DPH6: variants seen among roughly 807,000 people sequenced by gnomAD.
The protein encoded by DPH6 is diphthine--ammonia ligase.
In DPH6, 33 loss-of-function variants were observed where a neutral mutation model predicts 38.2. The ratio of observed to expected loss-of-function variants is 0.86; its 90% CI spans 0.65 to 1.15. DPH6 has a LOEUF of 1.15. Ranked by LOEUF, DPH6 falls within the 50% of genes most tolerant of loss-of-function variation. The pLI, the probability that DPH6 is intolerant of heterozygous loss-of-function variation, is 0.00. For missense variants in DPH6, 325 were observed against 320.0 expected, an observed-to-expected ratio of 1.02 and a Z score of -0.12; for synonymous variants, 108 against 103.0, an observed-to-expected ratio of 1.05 and a Z score of -0.30.
downstream of DPH6, among the ~76,000 whole-genome samples, chr15:35,214,071 C>A (rs151235092): frequency 0.07 from 10,511 of 150,556 alleles, 796 homozygotes; most frequent in East Asian, 0.42. Flanking sequence ...GAGATTGCGC[C>A]ACTGCACTCC....
At chr15:35,254,178 C>T (rs751970521) in intron 3 of DPH6, among the ~76,000 whole-genome samples, 15 of 152,102 alleles carry the variant, frequency 9.9e-5, no homozygotes, top group African/African-American at 1.9e-4. Flanking sequence ...CACAAAGAAA[C>T]GAATGCTATT....
At chr15:35,223,576 C>G (rs1417704667) in intron 3 of DPH6, among the ~76,000 whole-genome samples, 1 of 152,072 alleles carries the variant, frequency 6.6e-6, no homozygotes. Context: ...GTCCCAGCTA[C>G]TCGGGAGGCT....
intron 2 of DPH6, among the ~76,000 whole-genome samples, chr15:35,540,486 T>C (rs961793869): frequency 6.6e-6 from 1 of 152,082 alleles, no homozygotes; most frequent in Admixed American, 6.6e-5. Context: ...ATTCAGTGAA[T>C]TGTTCAATAA....
At chr15:35,337,680 A>C (rs2052384619) in intron 3 of DPH6, among the ~76,000 whole-genome samples, 2 of 152,206 alleles carry the variant, frequency 1.3e-5, no homozygotes, top group African/African-American at 4.8e-5. Context: ...GGAAAAAACT[A>C]CTTTAAAGTT....
At chr15:35,431,550 G>A (rs2053632560) in intron 5 of DPH6, among the ~76,000 whole-genome samples, 1 of 151,964 alleles carries the variant, frequency 6.6e-6, no homozygotes, top group South Asian at 2.1e-4. Flanking sequence ...TAAACAGCAG[G>A]GTGCCAGAGG....
At chr15:35,375,954 T>C (rs1007146244) in intron 7 of DPH6, among the ~76,000 whole-genome samples, 1 of 152,174 alleles carries the variant, frequency 6.6e-6, no homozygotes, top group Non-Finnish European at 1.5e-5. Flanking sequence ...ACGGTTTCTG[T>C]ATTCACTAAA....
intron 6 of DPH6, among the ~76,000 whole-genome samples, chr15:35,404,423 T>G (rs1455366602): frequency 6.6e-6 from 1 of 152,138 alleles, no homozygotes; most frequent in Non-Finnish European, 1.5e-5. Context: ...CCATTTTAAC[T>G]GGTGTGAGAG....
intron 3 of DPH6, among the ~76,000 whole-genome samples, chr15:35,483,655 C>A (rs982076625): frequency 3.9e-5 from 6 of 152,112 alleles, no homozygotes; most frequent in African/African-American, 1.4e-4. Flanking sequence ...TTTGAAAGTA[C>A]AAATTTAACA....
downstream of DPH6, among the ~76,000 whole-genome samples, chr15:35,326,780 T>C (rs1453928987): frequency 6.6e-6 from 1 of 152,150 alleles, no homozygotes; most frequent in Non-Finnish European, 1.5e-5. Flanking sequence ...TTTTATGTAG[T>C]ATTCAATAAA....
At chr15:35,456,982 T>G (rs1167477514) in intron 3 of DPH6, among the ~76,000 whole-genome samples, 1 of 152,142 alleles carries the variant, frequency 6.6e-6, no homozygotes, top group Non-Finnish European at 1.5e-5. Context: ...ATTTACTTAT[T>G]TAGAGACAGA....
chr15:35,249,376 G>C (rs1258543712), intron 3 of DPH6, among the ~76,000 whole-genome samples: 1 of 152,140 alleles, frequency 6.6e-6, no homozygotes, highest in East Asian at 1.9e-4. Context: ...AACAAGTTTG[G>C]GATGCAGAGA....
chr15:35,149,336 C>T, the DPH6 span, among the ~76,000 whole-genome samples: 22 of 152,288 alleles, frequency 1.4e-4, no homozygotes, highest in Admixed American at 2.6e-4. Flanking sequence ...CTCCCAGGTT[C>T]AAGCGATTCT....
intron 6 of DPH6, among the ~76,000 whole-genome samples, chr15:35,387,533 A>G (rs1369059360): frequency 6.6e-6 from 1 of 152,136 alleles, no homozygotes; most frequent in African/African-American, 2.4e-5. Flanking sequence ...AGTAGTTTGT[A>G]GTTCTCCTTG....
At chr15:35,532,422 T>G (rs1329930121) in intron 3 of DPH6, among the ~76,000 whole-genome samples, 4 of 152,100 alleles carry the variant, frequency 2.6e-5, no homozygotes, top group Non-Finnish European at 5.9e-5. Context: ...GGGGTCAGAT[T>G]TTAGAAGTCA....
chr15:35,242,007 T>G (rs2051603276), intron 3 of DPH6, among the ~76,000 whole-genome samples: 1 of 144,302 alleles, frequency 6.9e-6, no homozygotes, highest in Non-Finnish European at 1.5e-5. Context: ...CAATCCATTA[T>G]TCTGTTCTGG....
chr15:35,208,470 C>A, the DPH6 span, among the ~76,000 whole-genome samples: 1 of 152,156 alleles, frequency 6.6e-6, no homozygotes. Flanking sequence ...CTTGCAAACG[C>A]CACCTGTTAC....
At chr15:35,394,740 A>T (rs1311153103) in intron 6 of DPH6, among the ~76,000 whole-genome samples, 1 of 152,180 alleles carries the variant, frequency 6.6e-6, no homozygotes, top group Non-Finnish European at 1.5e-5. Flanking sequence ...AATAGTACCA[A>T]CCTCATAGTA....
At chr15:35,224,100 GTTTTTTTTTTTT>G (rs142813866) in intron 3 of DPH6, among the ~76,000 whole-genome samples, 8 of 88,892 alleles carry the variant, frequency 9.0e-5, no homozygotes, top group Admixed American at 1.5e-4. Context: ...CATGATTTTA[GTTTTTTTTTTTT>G]TTTTTTTTTT....
At chr15:35,505,661 A>G (rs912921300) in intron 3 of DPH6, among the ~76,000 whole-genome samples, 4 of 152,062 alleles carry the variant, frequency 2.6e-5, no homozygotes, top group African/African-American at 9.7e-5. Flanking sequence ...AGGGTTGAAA[A>G]TAATTCAACT....
Sources: gnomAD v4.1 joint callset for allele counts (sites outside exome capture counted in the v4.1 genomes callset) on GRCh38, gnomAD v4.1.1 for gene constraint, MANE v1.5 for transcripts, NCBI Gene and HGNC (gene_info 2026-07-23, HGNC 2026-07-21) for gene names.